GALK2: variants seen among roughly 807,000 people sequenced by gnomAD.
GALK2 encodes the protein N-acetylgalactosamine kinase.
A neutral mutation model predicts 52.4 loss-of-function variants in GALK2; 36 were observed. That is an observed-to-expected ratio of 0.69 (90% confidence interval 0.53 to 0.91). The LOEUF (loss-of-function observed/expected upper bound fraction) is 0.91. Among genes scored for constraint, GALK2 ranks in the 40% least tolerant of loss-of-function variants. The probability of loss-of-function intolerance (pLI) is 0.00; values close to 1 mark genes in which losing one functional copy is unlikely to be tolerated. For missense variants in GALK2, 579 were observed against 559.1 expected (o/e 1.04, Z -0.36); for synonymous variants, 176 against 199.1 (o/e 0.88, Z 0.98).
intron 5 of GALK2, among the ~76,000 whole-genome samples, chr15:49,239,927 G>A (rs2091010753): frequency 6.6e-6 from 1 of 152,186 alleles, no homozygotes; most frequent in African/African-American, 2.4e-5. Context: ...TAGAGCAGGT[G>A]TGCTCAGCTT....
At chr15:49,158,145 G>C (rs996655502) in intron 1 of GALK2, among the ~76,000 whole-genome samples, 2 of 152,148 alleles carry the variant, frequency 1.3e-5, no homozygotes, top group Non-Finnish European at 2.9e-5. Context: ...GCACACCTCA[G>C]AGAAGGGAAT....
intron 8 of GALK2, among the ~76,000 whole-genome samples, chr15:49,299,714 CTTTCTTTCTTTCTTTCTTTCT>C (rs1333348004): frequency 0.13 from 5,133 of 40,524 alleles, 275 homozygotes; most frequent in South Asian, 0.2. Flanking sequence ...GTATTGCTTT[CTTTCTTTCTTTCTTTCTTTCT>C]TTTCTTTCTT....
chr15:49,299,744 TTTCTTTC>T (rs1411211260), intron 8 of GALK2, among the ~76,000 whole-genome samples: 36 of 91,038 alleles, frequency 4.0e-4, no homozygotes, highest in African/African-American at 9.6e-4. Flanking sequence ...CTTTTCTTTC[TTTCTTTC>T]TTTCTTTCTT....
intron 9 of GALK2, among the ~76,000 whole-genome samples, chr15:49,320,117 C>G (rs570780958): frequency 1.4e-4 from 22 of 152,130 alleles, no homozygotes; most frequent in Non-Finnish European, 2.8e-4. Context: ...TTGCTCAGAG[C>G]TGGGCCCTGT....
intron 3 of GALK2, among the ~76,000 whole-genome samples, chr15:49,228,018 T>C (rs1208347483): frequency 6.6e-6 from 1 of 152,084 alleles, no homozygotes; most frequent in Non-Finnish European, 1.5e-5. Flanking sequence ...CCAGTCTTTT[T>C]CTATCTACAC....
chr15:49,194,244 T>G (rs1483078360), intron 1 of GALK2: 1 of 152,064 alleles, frequency 6.6e-6, no homozygotes, highest in Non-Finnish European at 1.5e-5. Flanking sequence ...AAGAATTGCT[T>G]GAACCAGGGA....
intron 1 of GALK2, chr15:49,185,687 T>C (rs1321386451): frequency 1.3e-5 from 2 of 152,200 alleles, no homozygotes; most frequent in Non-Finnish European, 2.9e-5. Context: ...GGGTATCTCA[T>C]TGTGGTTTTG....
In GALK2 at chr15:49,363,040, C is replaced by G. The variant is rs192152477; in HGVS notation, c.427-4451C>G. Among the ~76,000 whole-genome samples, 915 of 152,094 alleles carry G rather than the reference C, an allele frequency of 6.0e-3. 7 individuals are homozygous for G. The highest frequency in any genetic ancestry group is 7.2e-3 in the Non-Finnish European group (490 of 67,920). ...GGTTACTGTAGCCTTGTAGTGGAAT[C>G]TGAATTTGGGTAACATGATTCCTCC... On this transcript the variant is annotated intron_variant, in intron 3 of 3. Transcript: ENST00000558399.
intron 1 of GALK2, among the ~76,000 whole-genome samples, chr15:49,173,989 C>T (rs552272483): frequency 7.2e-5 from 11 of 152,082 alleles, no homozygotes; most frequent in Non-Finnish European, 1.2e-4. Flanking sequence ...GTGATCCACC[C>T]GCCTTGGTCT....
chr15:49,228,613 G>T (rs1187400530), intron 3 of GALK2, among the ~76,000 whole-genome samples: 2 of 111,558 alleles, frequency 1.8e-5, no homozygotes, highest in Non-Finnish European at 3.6e-5. Flanking sequence ...TCATATTCTA[G>T]AATTTTTTTC....
At chr15:49,335,178 G>A (rs2039489297), downstream of GALK2, among the ~76,000 whole-genome samples, 1 of 152,026 alleles carries the variant, frequency 6.6e-6, no homozygotes, top group African/African-American at 2.4e-5. Flanking sequence ...CTGTTGGGGT[G>A]CACCCCTCCA....
At chr15:49,211,707 C>T (rs983011683) in intron 2 of GALK2, among the ~76,000 whole-genome samples, 11 of 152,100 alleles carry the variant, frequency 7.2e-5, no homozygotes, top group Admixed American at 3.3e-4. Context: ...GGAGGCACGC[C>T]GTACATGGCT....
At chr15:49,183,688 A>G (rs140689832) in intron 1 of GALK2, among the ~76,000 whole-genome samples, 165 of 152,282 alleles carry the variant, frequency 1.1e-3, no homozygotes, top group African/African-American at 3.9e-3. Flanking sequence ...TACTAAAAAT[A>G]CAAAATTAGC....
intron 5 of GALK2, among the ~76,000 whole-genome samples, chr15:49,278,757 T>A (rs2032268513): frequency 6.6e-6 from 1 of 152,232 alleles, no homozygotes; most frequent in Non-Finnish European, 1.5e-5. Flanking sequence ...TTTCCTAATC[T>A]GTAAGCCACA....
chr15:49,295,335 A>C (rs556151404), intron 8 of GALK2, among the ~76,000 whole-genome samples: 74 of 147,920 alleles, frequency 5.0e-4, no homozygotes, highest in South Asian at 2.9e-3. Flanking sequence ...CTCTCTATCT[A>C]TATATATATA....
At chr15:49,282,147 A>G in intron 6 of GALK2, 62 bp downstream of exon 6, 1 of 1,231,980 alleles carries the variant, frequency 8.1e-7, no homozygotes, top group Non-Finnish European at 1.2e-6. Flanking sequence ...TACATGGAGA[A>G]GAAGGCCCTG....
At position 49,328,764 on chromosome 15, in the gene GALK2, G is replaced by C; in HGVS notation, c.*605G>C. 1.4e-6 allele frequency: 2 copies of C among 1,412,762 alleles called. No individual in the cohort carries two copies. The highest frequency in any genetic ancestry group is 1.8e-6 in the Non-Finnish European group (2 of 1,088,270). The allele number at this position is 1,412,762 out of a possible 1,614,324, so 87.5% of individuals were successfully genotyped here. A position where few individuals can be genotyped will look rare whatever the true frequency, so the allele number is the denominator to read the frequency against. The stretch of plus-strand genomic sequence containing the variant: ...AATGTGAGATTTCTCCAGTTATCAA[G>C]AGACTAAGGATTTTTTTTTTTTTTT... On this transcript the variant is annotated 3_prime_UTR_variant, in exon 10 of 10. Coordinates refer to ENST00000560031, the MANE Select transcript of GALK2 (RefSeq NM_002044.4).
chr15:49,252,532 TTAA>T (rs1344512561), intron 5 of GALK2, among the ~76,000 whole-genome samples: 22 of 152,206 alleles, frequency 1.4e-4, no homozygotes, highest in Non-Finnish European at 2.9e-4. Context: ...GTTTTAATAC[TTAA>T]TAATATTTCT....
At chr15:49,195,017 A>G in intron 1 of GALK2, 1 of 421,324 alleles carries the variant, frequency 2.4e-6, no homozygotes, top group Non-Finnish European at 4.7e-6. Flanking sequence ...CTACATCTTT[A>G]TGATGTTGTA....
Sources: gnomAD v4.1 joint callset for allele counts (sites outside exome capture counted in the v4.1 genomes callset) on GRCh38, gnomAD v4.1.1 for gene constraint, MANE v1.5 for transcripts, NCBI Gene and HGNC (gene_info 2026-07-23, HGNC 2026-07-21) for gene names.